The following COBL variants were observed in gnomAD, a reference collection of about 807,000 sequenced individuals.
COBL encodes the protein cordon-bleu WH2 repeat protein.
A neutral mutation model predicts 98.8 loss-of-function variants in COBL; 51 were observed. The observed-to-expected ratio is 0.52, with a 90% confidence interval of 0.41 to 0.65. The LOEUF is 0.65. Ranked by LOEUF, COBL falls within the 30% of genes least tolerant of loss-of-function variation. The pLI is 0.00. For synonymous variants in COBL, 634 were observed against 651.7 expected, an observed-to-expected ratio of 0.97 and a Z score of 0.41; for missense variants, 1,617 against 1,617.5, an observed-to-expected ratio of 1.00 and a Z score of 0.01.
intron 5 of COBL, among the ~76,000 whole-genome samples, chr7:51,158,050 G>A (rs1376121370): frequency 2.0e-5 from 3 of 152,170 alleles, no homozygotes; most frequent in African/African-American, 4.8e-5. Flanking sequence ...GAAGAAGAGA[G>A]CCAGTTGTTG....
intron 6 of COBL, 152 bp downstream of exon 6, chr7:51,136,006 T>G (rs1799198502): frequency 1.9e-6 from 2 of 1,062,572 alleles, no homozygotes; most frequent in South Asian, 3.5e-5. Flanking sequence ...CATCTTGCCT[T>G]TACTTTTAAA....
chr7:51,130,042 T>C (rs752853759), intron 6 of COBL, among the ~76,000 whole-genome samples: 5 of 152,164 alleles, frequency 3.3e-5, no homozygotes, highest in African/African-American at 4.8e-5. Context: ...GGCTGGATTC[T>C]GGATACACTT....
intron 1 of COBL, among the ~76,000 whole-genome samples, chr7:51,297,316 T>C (rs1231847992): frequency 6.6e-6 from 1 of 152,108 alleles, no homozygotes; most frequent in African/African-American, 2.4e-5. Flanking sequence ...CTGTGGCATG[T>C]GATCACCTTT....
chr7:51,312,224 C>T (rs764466126), intron 1 of COBL, among the ~76,000 whole-genome samples: 1 of 151,742 alleles, frequency 6.6e-6, no homozygotes, highest in Non-Finnish European at 1.5e-5. Context: ...CCAGCTACTC[C>T]GGAGGCTGAG....
intron 9 of COBL, 148 bp from the exon 10 acceptor site, chr7:51,029,739 T>C: frequency 6.1e-6 from 4 of 659,624 alleles, no homozygotes; most frequent in Non-Finnish European, 9.7e-6. Flanking sequence ...GTAATCTACA[T>C]AATATGCCTG....
chr7:51,242,344 C>T (rs1357858486), intron 1 of COBL, among the ~76,000 whole-genome samples: 1 of 152,240 alleles, frequency 6.6e-6, no homozygotes, highest in Non-Finnish European at 1.5e-5. Context: ...TGCTCGGGTG[C>T]ACTCCAACCC....
At chr7:51,272,783 T>A (rs1486680659) in intron 1 of COBL, among the ~76,000 whole-genome samples, 1 of 152,196 alleles carries the variant, frequency 6.6e-6, no homozygotes, top group Non-Finnish European at 1.5e-5. Flanking sequence ...AGTCTCCCCA[T>A]GTCTAAATTA....
intron 1 of COBL, among the ~76,000 whole-genome samples, chr7:51,274,721 G>GA: frequency 6.6e-6 from 1 of 152,300 alleles, no homozygotes; most frequent in Non-Finnish European, 1.5e-5. Context: ...ACTTTCATAT[G>GA]AAAACTCCAA....
chr7:51,209,942 TGAAAGGGAGTG>T (rs2129075640), intron 2 of COBL, among the ~76,000 whole-genome samples: 1 of 152,084 alleles, frequency 6.6e-6, no homozygotes, highest in African/African-American at 2.4e-5. Context: ...TCTAGAGAGG[TGAAAGGGAGTG>T]GACAGCCCGG....
At chr7:51,278,307 C>T (rs1799496234) in intron 1 of COBL, among the ~76,000 whole-genome samples, 1 of 151,908 alleles carries the variant, frequency 6.6e-6, no homozygotes, top group South Asian at 2.1e-4. Context: ...GACAAGGCAC[C>T]CTCATCTATG....
chr7:51,217,811 A>G (rs182251177), intron 2 of COBL, among the ~76,000 whole-genome samples: 5 of 152,350 alleles, frequency 3.3e-5, no homozygotes, highest in Admixed American at 3.3e-4. Flanking sequence ...TATATAGGAA[A>G]AGTGTACTTT....
At chr7:51,146,103 T>C (rs1217501661) in intron 5 of COBL, among the ~76,000 whole-genome samples, 2 of 152,212 alleles carry the variant, frequency 1.3e-5, no homozygotes, top group African/African-American at 2.4e-5. Context: ...TTCATATGCA[T>C]GGGTTTCACA....
chr7:51,222,389 T>C (rs929900085), intron 1 of COBL, among the ~76,000 whole-genome samples: 1 of 152,200 alleles, frequency 6.6e-6, no homozygotes, highest in Non-Finnish European at 1.5e-5. Context: ...TTGTAAGGAC[T>C]AAATATTTAT....
Position 51,227,112 on chromosome 7 carries a change from T to G in COBL, c.42-7168A>C, listed in dbSNP as rs941646683. 2.0e-5 allele frequency among the ~76,000 whole-genome samples: 3 copies of G among 152,180 alleles called. No homozygotes were observed. In the East Asian group the frequency reaches 5.8e-4, roughly 29 times the overall value. On this transcript the variant is annotated intron_variant, in intron 1 of 12. Transcript: ENST00000265136. Reference sequence around the variant, plus strand: ...TCCTTGACACATACTAGAACGCTGGTGCCCTGCAGTGCCGGCTGATGAGCG... The same window carrying G: ...TCCTTGACACATACTAGAACGCTGGGGCCCTGCAGTGCCGGCTGATGAGCG...
intron 7 of COBL, among the ~76,000 whole-genome samples, chr7:51,056,180 C>T (rs560530079): frequency 7.1e-6 from 1 of 140,976 alleles, no homozygotes; most frequent in Non-Finnish European, 1.5e-5. Flanking sequence ...TTGTAAACTA[C>T]GTCAAAAACA....
At chr7:51,093,213 A>C (rs1447852861) in intron 6 of COBL, among the ~76,000 whole-genome samples, 1 of 152,248 alleles carries the variant, frequency 6.6e-6, no homozygotes, top group East Asian at 1.9e-4. Flanking sequence ...AAAGTGGGCA[A>C]AGAATGTGAA....
At chr7:51,145,779 T>G (rs933034082) in intron 5 of COBL, among the ~76,000 whole-genome samples, 1 of 152,248 alleles carries the variant, frequency 6.6e-6, no homozygotes, top group Non-Finnish European at 1.5e-5. Flanking sequence ...GGTTCCAGTT[T>G]ATCCACGTCC....
At chr7:51,119,899 G>A (rs538856759) in intron 6 of COBL, among the ~76,000 whole-genome samples, 157 of 152,062 alleles carry the variant, frequency 1.0e-3, no homozygotes, top group Admixed American at 2.9e-3. Context: ...AAGTTGATTG[G>A]CAAGTCCTTT....
chr7:51,279,346 T>C (rs1336130195), intron 1 of COBL, among the ~76,000 whole-genome samples: 3 of 152,276 alleles, frequency 2.0e-5, no homozygotes, highest in African/African-American at 7.2e-5. Flanking sequence ...ACGTGCATTA[T>C]ACTTTCTTTA....
Sources: allele counts gnomAD v4.1 joint callset (sites outside exome capture counted in the v4.1 genomes callset), GRCh38; gene constraint gnomAD v4.1.1; transcripts MANE v1.5; gene names NCBI Gene and HGNC (gene_info 2026-07-23, HGNC 2026-07-21).